The following DNAH7 variants were observed in gnomAD, a reference collection of about 807,000 sequenced individuals.
DNAH7 encodes axonemal beta dynein heavy chain 7.
A neutral mutation model predicts 444.6 loss-of-function variants in DNAH7; 397 were observed. The observed-to-expected ratio is 0.89, with a 90% CI of 0.82 to 0.97. DNAH7 has a LOEUF of 0.97. Among genes scored for constraint, DNAH7 ranks in the 50% least tolerant of loss-of-function variants. The probability of loss-of-function intolerance (pLI) is 0.00; values close to 1 mark genes in which losing one functional copy is unlikely to be tolerated. For synonymous variants in DNAH7, 1,636 were observed against 1,624.4 expected (o/e 1.01, Z -0.17); for missense variants, 4,902 against 4,800.8 (o/e 1.02, Z -0.62).
At chr2:195,885,878 A>G (rs1359020040) in intron 34 of DNAH7, among the ~76,000 whole-genome samples, 1 of 152,216 alleles carries the variant, frequency 6.6e-6, no homozygotes, top group Non-Finnish European at 1.5e-5. Flanking sequence ...AAGGCTGGTC[A>G]AAAGACCTGA....
intron 12 of DNAH7, chr2:195,999,343 T>C (rs2125680483): frequency 1.6e-6 from 1 of 637,272 alleles, no homozygotes; most frequent in Non-Finnish European, 2.8e-6. Flanking sequence ...CAGTATTGTC[T>C]TTGAAATCAT....
chr2:195,933,168 C>T (rs537441917), intron 21 of DNAH7, among the ~76,000 whole-genome samples: 322 of 152,256 alleles, frequency 2.1e-3, no homozygotes, highest in African/African-American at 7.2e-3. Context: ...CATCACTGGC[C>T]ATCAGAGAAA....
At chr2:196,044,295 C>T (rs113279365) in intron 5 of DNAH7, among the ~76,000 whole-genome samples, 15 of 151,702 alleles carry the variant, frequency 9.9e-5, no homozygotes, top group African/African-American at 3.4e-4. Flanking sequence ...TTTGCAGCAA[C>T]GTGGATGGAG....
intron 40 of DNAH7, among the ~76,000 whole-genome samples, chr2:195,865,377 G>A (rs1208308549): frequency 1.3e-5 from 2 of 151,986 alleles, no homozygotes; most frequent in East Asian, 3.9e-4. Context: ...GTACCCAGGG[G>A]GTACCCAACA....
intron 54 of DNAH7, among the ~76,000 whole-genome samples, chr2:195,804,066 A>AC (rs59757647): frequency 4.0e-5 from 6 of 151,302 alleles, no homozygotes; most frequent in Middle Eastern, 3.4e-3. Context: ...GGGGAAGGAG[A>AC]CCCCCCCCAA....
At chr2:195,986,308 G>C (rs936228000) in intron 14 of DNAH7, among the ~76,000 whole-genome samples, 1 of 152,134 alleles carries the variant, frequency 6.6e-6, no homozygotes, top group Non-Finnish European at 1.5e-5. Context: ...CCTTAGAGCC[G>C]AAGTGGCTAG....
At chr2:196,035,112 G>T (rs892507709) in intron 5 of DNAH7, among the ~76,000 whole-genome samples, 1 of 152,024 alleles carries the variant, frequency 6.6e-6, no homozygotes. Context: ...AACCCAGGAG[G>T]CGGAGGTTGC....
intron 5 of DNAH7, among the ~76,000 whole-genome samples, chr2:196,043,605 T>A (rs1696912242): frequency 6.6e-6 from 1 of 151,832 alleles, no homozygotes; most frequent in Non-Finnish European, 1.5e-5. Context: ...GCAAAAGAAG[T>A]AATCAGCAGA....
At chr2:195,829,025 CAGAGAA>C (rs1001624186) in intron 48 of DNAH7, among the ~76,000 whole-genome samples, 2 of 152,146 alleles carry the variant, frequency 1.3e-5, no homozygotes, top group African/African-American at 4.8e-5. Context: ...GTTTTCCTGT[CAGAGAA>C]AAAGAGCTGT....
chr2:195,754,285 GT>G (rs1447723182), intron 63 of DNAH7, 51 bp downstream of exon 63: 5 of 1,522,730 alleles, frequency 3.3e-6, no homozygotes, highest in Non-Finnish European at 4.5e-6. Flanking sequence ...AGAATGTCAT[GT>G]TTTTGTTCAG....
At chr2:195,745,257 G>A (rs1434891956) in intron 63 of DNAH7, among the ~76,000 whole-genome samples, 2 of 152,160 alleles carry the variant, frequency 1.3e-5, no homozygotes, top group Non-Finnish European at 2.9e-5. Context: ...GGGTATCAGT[G>A]ATGGAAGATG....
At chr2:196,052,964 C>T (rs939815168) in intron 2 of DNAH7, among the ~76,000 whole-genome samples, 4 of 152,220 alleles carry the variant, frequency 2.6e-5, no homozygotes, top group Non-Finnish European at 5.9e-5. Flanking sequence ...CATAGGACTA[C>T]AGACTAAGAT....
chr2:195,874,264 A>G (rs557106847), intron 38 of DNAH7, among the ~76,000 whole-genome samples: 1 of 152,312 alleles, frequency 6.6e-6, no homozygotes, highest in East Asian at 1.9e-4. Context: ...TCCACAAAAT[A>G]ATGAAAGATT....
intron 45 of DNAH7, 145 bp downstream of exon 45, chr2:195,855,666 G>A (rs548969144): frequency 1.2e-5 from 9 of 750,354 alleles, no homozygotes; most frequent in South Asian, 6.1e-5. Flanking sequence ...GAAAACAGGC[G>A]ATGGGCAGAT....
intron 19 of DNAH7, 38 bp from the exon 20 acceptor site, chr2:195,936,830 T>G: frequency 7.5e-7 from 1 of 1,340,442 alleles, no homozygotes. Context: ...TTCAAAAATA[T>G]TAGATACTAA....
chr2:195,844,105 C>CA (rs78757110), intron 47 of DNAH7, among the ~76,000 whole-genome samples: 76,001 of 151,682 alleles, frequency 0.5, 22,305 homozygotes, highest in South Asian at 0.65. Flanking sequence ...CAAAAAAAAA[C>CA]AAAAAACCCA....
intron 48 of DNAH7, among the ~76,000 whole-genome samples, chr2:195,833,753 CTTTTTA>C (rs1348960568): frequency 6.6e-6 from 1 of 151,996 alleles, no homozygotes; most frequent in African/African-American, 2.4e-5. Context: ...TCTGCCACTT[CTTTTTA>C]TTTTTTATTT....
At chr2:195,785,973 A>C (rs1695598434) in intron 58 of DNAH7, among the ~76,000 whole-genome samples, 1 of 152,148 alleles carries the variant, frequency 6.6e-6, no homozygotes, top group Admixed American at 6.5e-5. Context: ...AAGCTCATTA[A>C]ATTTATGATT....
intron 12 of DNAH7, among the ~76,000 whole-genome samples, chr2:195,989,443 T>C (rs146140211): frequency 6.6e-6 from 1 of 152,334 alleles, no homozygotes; most frequent in East Asian, 1.9e-4. Context: ...ATTAGAGATG[T>C]AGAACATTTT....
Sources: allele counts gnomAD v4.1 joint callset (sites outside exome capture counted in the v4.1 genomes callset), GRCh38; gene constraint gnomAD v4.1.1; transcripts MANE v1.5; gene names NCBI Gene and HGNC (gene_info 2026-07-23, HGNC 2026-07-21).